ZHX2: variants seen among roughly 807,000 people sequenced by gnomAD.
The protein encoded by ZHX2 is zinc fingers and homeoboxes protein 2.
In ZHX2, 6 loss-of-function variants were observed where a neutral mutation model predicts 21.9. That is an observed-to-expected ratio of 0.27 (90% CI 0.15 to 0.54). The LOEUF (loss-of-function observed/expected upper bound fraction) is 0.54, where lower values mean the gene tolerates loss of function less well. ZHX2 is among the 20% of genes least tolerant of loss of function. The pLI is 0.95. For synonymous variants in ZHX2, 434 were observed against 437.1 expected, an observed-to-expected ratio of 0.99 and a Z score of 0.09; for missense variants, 908 against 1,090.7, an observed-to-expected ratio of 0.83 and a Z score of 2.36.
At chr8:122,818,683 G>T (rs1818079935) in intron 1 of ZHX2, among the ~76,000 whole-genome samples, 1 of 152,206 alleles carries the variant, frequency 6.6e-6, no homozygotes, top group Non-Finnish European at 1.5e-5. Flanking sequence ...ATGAAACTTG[G>T]CATCCAGGAC....
At chr8:122,876,969 T>C (rs1166095274) in intron 2 of ZHX2, among the ~76,000 whole-genome samples, 1 of 152,188 alleles carries the variant, frequency 6.6e-6, no homozygotes, top group Non-Finnish European at 1.5e-5. Flanking sequence ...GGCTACTCTA[T>C]GGTAACCTCC....
chr8:122,788,365 CT>C (rs2130524486), intron 1 of ZHX2, among the ~76,000 whole-genome samples: 1 of 152,182 alleles, frequency 6.6e-6, no homozygotes, highest in Non-Finnish European at 1.5e-5. Flanking sequence ...CAAGGCCAGC[CT>C]GGACAACATG....
intron 2 of ZHX2, among the ~76,000 whole-genome samples, chr8:122,870,901 G>A (rs1198062197): frequency 6.6e-6 from 1 of 152,184 alleles, no homozygotes; most frequent in Non-Finnish European, 1.5e-5. Flanking sequence ...GGTCCAGAGT[G>A]AGCCTCAGGT....
intron 1 of ZHX2, among the ~76,000 whole-genome samples, chr8:122,788,557 ACT>A (rs1440444945): frequency 4.6e-5 from 7 of 152,128 alleles, no homozygotes; most frequent in African/African-American, 1.7e-4. Context: ...AGAGAGCAAG[ACT>A]CTGTCTCAAA....
At chr8:122,855,236 C>T (rs541722894) in intron 1 of ZHX2, among the ~76,000 whole-genome samples, 13 of 152,256 alleles carry the variant, frequency 8.5e-5, no homozygotes, top group East Asian at 1.9e-4. Flanking sequence ...ATGTAAATGA[C>T]GTGTTTAATA....
chr8:122,868,274 A>C (rs1485357969), intron 2 of ZHX2, among the ~76,000 whole-genome samples: 1 of 152,202 alleles, frequency 6.6e-6, no homozygotes, highest in African/African-American at 2.4e-5. Flanking sequence ...AATAACGGGT[A>C]AGAAGTTTGC....
rs1464356007 is a variant in ZHX2 at position 122,952,268 on chromosome 8, A to G, written c.758A>G (p.Asn253Ser). The G allele has an allele frequency of 6.2e-7, 1 of 1,613,682 alleles. No individual in the cohort carries two copies. Among genetic ancestry groups the G allele is most frequent in the Non-Finnish European group, 8.5e-7 (1 of 1,179,958 alleles). Reference protein sequence around the residue: ...MPSVQLPPNINLVPKVPVPLN... With the variant: ...MPSVQLPPNISLVPKVPVPLN... The stretch of plus-strand genomic sequence containing the variant: ...TCTGTACAGCTGCCACCAAATATCA[A>G]CCTTGTGCCCAAGGTCCCTGTCCCA... Residue 253 changes from asparagine (N) to serine (S), a missense_variant, in exon 3 of 4, where the codon AAC becomes AGC. Asn to Ser is a conservative substitution (Grantham distance 46, BLOSUM62 1). Around this residue, in one of 4 missense-constraint regions of ZHX2, gnomAD observed 232 missense variants for 361.8 expected, o/e 0.64. Transcript: ENST00000314393. This position sits in a 1 kb window ranked among gnomAD's most constrained non-coding sequence, Gnocchi z 6.9.
rs551039119 is a variant in ZHX2, at chr8:122,953,487, C to A, written c.1977C>A (p.Asp659Glu). The A allele has an allele frequency of 6.2e-7, 1 of 1,614,218 alleles. No homozygotes were observed. Among genetic ancestry groups the A allele is most frequent in the Non-Finnish European group, 8.5e-7 (1 of 1,180,048 alleles). ...RTQWPTPQEY[D>E]QLAAKTGLVR... ...AGTGGCCTACTCCCCAGGAGTACGA[C>A]CAGTTAGCGGCCAAGACTGGCCTGG... Residue 659 changes from aspartate to glutamate, a missense_variant, in exon 3 of 4, where the codon GAC (aspartate) becomes GAA (glutamate). Asp to Glu is a conservative substitution (Grantham distance 45). This residue lies in a region of ZHX2 where 431 missense variants were observed against 428.6 expected (regional missense o/e 1.01). Coordinates refer to ENST00000314393, the MANE Select transcript of ZHX2 (RefSeq NM_014943.5). This position sits in a 1 kb window ranked among gnomAD's most constrained non-coding sequence, Gnocchi z 4.6.
At chr8:122,834,478 G>T (rs1586307454) in intron 1 of ZHX2, among the ~76,000 whole-genome samples, 1 of 152,258 alleles carries the variant, frequency 6.6e-6, no homozygotes, top group East Asian at 1.9e-4. Context: ...GAGGTGGATT[G>T]CTAGGAGGCT....
intron 1 of ZHX2, among the ~76,000 whole-genome samples, chr8:122,812,816 T>C (rs914303237): frequency 6.6e-6 from 1 of 152,196 alleles, no homozygotes; most frequent in Non-Finnish European, 1.5e-5. Flanking sequence ...TAAATACTGA[T>C]ACCAACTGAT....
At position 122,908,608 on chromosome 8, in the gene ZHX2, A is replaced by G. The variant is rs762616772; in HGVS notation, c.-219-42684A>G. ...GGTCCTTGTTTCCATAGCATAGAAA[A>G]CCCTTGTTATCACTGTCTCCCCTTT... On this transcript the variant is annotated intron_variant, in intron 2 of 3. Transcript: ENST00000314393. 1.2e-3 allele frequency among the ~76,000 whole-genome samples: 177 copies of G among 151,722 alleles called. 1 individual carries two copies. Among genetic ancestry groups the G allele is most frequent in the Non-Finnish European group, 1.8e-3 (124 of 67,878 alleles).
intron 2 of ZHX2, among the ~76,000 whole-genome samples, chr8:122,920,985 C>A (rs1017810699): frequency 6.6e-6 from 1 of 152,154 alleles, no homozygotes; most frequent in African/African-American, 2.4e-5. Context: ...TTCTCGGTTT[C>A]AGATTGAGTT....
intron 3 of ZHX2, among the ~76,000 whole-genome samples, chr8:122,972,781 AG>A (rs1219451151): frequency 3.3e-5 from 5 of 152,348 alleles, no homozygotes; most frequent in Admixed American, 3.3e-4. Flanking sequence ...CCTGTTATAC[AG>A]AAGCAAAAAC....
At position 122,953,218 on chromosome 8, in the gene ZHX2, AGGAGAGAGATCGACTCCT is replaced by A; in HGVS notation, c.1711_1728del (p.Arg571_Trp576del). The A allele has an allele frequency of 1.2e-6, 2 of 1,613,974 alleles. No individual in the cohort carries two copies. Among genetic ancestry groups the A allele is most frequent in the Non-Finnish European group, 1.7e-6 (2 of 1,180,010 alleles). On this transcript the variant is annotated inframe_deletion, in exon 3 of 4. Transcript: ENST00000314393. The surrounding 1 kb of genome is among the most constrained non-coding windows in gnomAD (Gnocchi z 4.6). ...GCTAAGGGTGGAGACCAAGCTGAGC[AGGAGAGAGATCGACTCCT>A]GGTTCTCGGAGAGGCGGAAGCTTCG...
chr8:122,865,173 G>A (rs1819260007), intron 2 of ZHX2, among the ~76,000 whole-genome samples: 2 of 150,898 alleles, frequency 1.3e-5, no homozygotes, highest in Admixed American at 1.3e-4. Flanking sequence ...CTGTCGCCCA[G>A]GCTGGAGTGC....
At chr8:122,876,577 T>A (rs1819577613) in intron 2 of ZHX2, among the ~76,000 whole-genome samples, 1 of 152,204 alleles carries the variant, frequency 6.6e-6, no homozygotes, top group Non-Finnish European at 1.5e-5. Context: ...GCCAACGTGA[T>A]GCCAGGCCTT....
Position 122,951,515 on chromosome 8 carries a change from C to G in ZHX2, c.5C>G (p.Ala2Gly), listed in dbSNP as rs1355045147. ...CATTGCACACAGACAGGCAGCATGG[C>G]TAGCAAACGAAAATCTACAACTCCA... M[A>G]SKRKSTTPCM... The change falls in exon 3 of 4, where the codon GCT becomes GGT. Residue 2 changes from alanine to glycine, a missense_variant. Around this residue, in one of 4 missense-constraint regions of ZHX2, gnomAD observed 25 missense variants for 48.9 expected, o/e 0.51. Transcript: ENST00000314393. The G allele has an allele frequency of 6.2e-7, 1 of 1,610,210 alleles. No individual in the cohort carries two copies. The highest frequency in any genetic ancestry group is 8.5e-7 in the Non-Finnish European group (1 of 1,177,764).
intron 2 of ZHX2, among the ~76,000 whole-genome samples, chr8:122,914,604 G>A (rs1052673934): frequency 2.6e-5 from 4 of 152,104 alleles, no homozygotes; most frequent in East Asian, 1.9e-4. Flanking sequence ...TCCCAGATTC[G>A]CCACTTATCA....
chr8:122,901,119 A>G (rs1369914829), intron 2 of ZHX2, among the ~76,000 whole-genome samples: 1 of 152,252 alleles, frequency 6.6e-6, no homozygotes, highest in Non-Finnish European at 1.5e-5. Flanking sequence ...TTTTTAAATT[A>G]TTAAGCAAAG....
Sources: gnomAD v4.1 joint callset for allele counts (sites outside exome capture counted in the v4.1 genomes callset) on GRCh38, gnomAD v4.1.1 for gene constraint, gnomAD v4.1.1 regional missense constraint, Gnocchi (gnomAD v3.1) non-coding constraint, MANE v1.5 for transcripts, NCBI Gene and HGNC (gene_info 2026-07-23, HGNC 2026-07-21) for gene names.